The following NAT1 variants were observed in gnomAD, a reference collection of about 807,000 sequenced individuals.
The protein encoded by NAT1 is N-acetyltransferase 1.
For synonymous variants in NAT1, 144 were observed against 122.6 expected (o/e 1.17, Z -1.16); for missense variants, 400 against 339.2 (o/e 1.18, Z -1.41).
chr8:18,220,025 T>C (rs1268501345), intron 2 of NAT1, among the ~76,000 whole-genome samples: 6 of 152,118 alleles, frequency 3.9e-5, no homozygotes, highest in Non-Finnish European at 8.8e-5. Context: ...AATATCCAGG[T>C]ATGTATAAAC....
chr8:18,189,616 G>A (rs1305061754), intron 2 of NAT1, among the ~76,000 whole-genome samples: 1 of 152,142 alleles, frequency 6.6e-6, no homozygotes, highest in Non-Finnish European at 1.5e-5. Context: ...AGTTTTTATA[G>A]GTAGAAGGCT....
rs1020868179 is a variant in NAT1, at chr8:18,174,788, C to T, written n.92+4049C>T. ...ATAACTCTGGGCAAACCTCAGCACA[C>T]AAGCCTAAGCCCCATCTTTTACAGA... On this transcript the variant is annotated intron_variant and non_coding_transcript_variant, in intron 2 of 4. Transcript: ENST00000517441. Among the ~76,000 whole-genome samples, 14 of 152,206 alleles carry T rather than the reference C, an allele frequency of 9.2e-5. No individual in the cohort carries two copies. In the East Asian group the frequency reaches 2.7e-3, roughly 29 times the overall value.
chr8:18,194,818 T>TAA (rs57703927), intron 2 of NAT1, among the ~76,000 whole-genome samples: 25 of 143,440 alleles, frequency 1.7e-4, no homozygotes, highest in African/African-American at 3.6e-4. Context: ...GACTCTGTCT[T>TAA]AAAAAAAAAA....
At chr8:18,201,954 A>G (rs779296196) in intron 2 of NAT1, among the ~76,000 whole-genome samples, 1 of 152,248 alleles carries the variant, frequency 6.6e-6, no homozygotes, top group Non-Finnish European at 1.5e-5. Context: ...AAAAGACCAC[A>G]TATCAAGCTC....
chr8:18,223,324 A>G lies in NAT1; in HGVS notation c.*404A>G, dbSNP rs28359534. The G allele has an allele frequency of 0.017, 2,893 of 167,176 alleles. 50 individuals carry two copies. The highest frequency in any genetic ancestry group is 0.084 in the Middle Eastern group (25 of 296). 10.4% of individuals were successfully genotyped at this position (167,176 alleles called of 1,614,324 possible). A position where few individuals can be genotyped will look rare whatever the true frequency, so the allele number is the denominator to read the frequency against. On this transcript the variant is annotated 3_prime_UTR_variant, in exon 3 of 3. Coordinates refer to ENST00000307719, the MANE Select transcript of NAT1 (RefSeq NM_000662.8). ...TTGTTGGCTAATATAATTTGAAAAAAAGTGGTTTTTTGGAAGACTTAGGAT... is the reference window on the plus strand; with the variant it reads ...TTGTTGGCTAATATAATTTGAAAAAGAGTGGTTTTTTGGAAGACTTAGGAT...
chr8:18,193,877 G>A (rs1005013325), intron 2 of NAT1, among the ~76,000 whole-genome samples: 1 of 151,996 alleles, frequency 6.6e-6, no homozygotes, highest in Non-Finnish European at 1.5e-5. Context: ...CTGACCTCAG[G>A]TGATCCATCT....
intron 2 of NAT1, among the ~76,000 whole-genome samples, chr8:18,183,138 C>T (rs1016381327): frequency 5.3e-5 from 8 of 152,252 alleles, no homozygotes; most frequent in Admixed American, 3.3e-4. Context: ...GGGAGAAGAA[C>T]GCTGACTCCT....
intron 2 of NAT1, among the ~76,000 whole-genome samples, chr8:18,194,458 G>A (rs976941239): frequency 6.6e-6 from 1 of 152,142 alleles, no homozygotes; most frequent in African/African-American, 2.4e-5. Context: ...GATGGTGGAG[G>A]TCTGTTATCT....
chr8:18,181,898 C>A (rs1316613753), intron 2 of NAT1, among the ~76,000 whole-genome samples: 1 of 152,140 alleles, frequency 6.6e-6, no homozygotes, highest in Non-Finnish European at 1.5e-5. Context: ...CAGGGAAGGT[C>A]TAAATTCTCC....
At chr8:18,201,330 C>G (rs1589086560) in intron 2 of NAT1, 1 of 152,060 alleles carries the variant, frequency 6.6e-6, no homozygotes, top group Non-Finnish European at 1.5e-5. Flanking sequence ...AGGGCTAAGA[C>G]AGTAATTAAA....
intron 2 of NAT1, among the ~76,000 whole-genome samples, chr8:18,182,507 T>C (rs747251859): frequency 6.6e-6 from 1 of 152,218 alleles, no homozygotes; most frequent in Non-Finnish European, 1.5e-5. Context: ...GTGTGAGCTA[T>C]AGATTGCTTC....
chr8:18,208,827 C>A (rs1238495945), upstream of NAT1, among the ~76,000 whole-genome samples: 1 of 152,220 alleles, frequency 6.6e-6, no homozygotes, highest in African/African-American at 2.4e-5. Flanking sequence ...AGAGGGAAAT[C>A]TGCTACCTCA....
At chr8:18,206,369 C>T (rs971955631), upstream of NAT1, among the ~76,000 whole-genome samples, 2 of 152,274 alleles carry the variant, frequency 1.3e-5, no homozygotes, top group Admixed American at 6.5e-5. Context: ...CATCTCGGTC[C>T]CTTGGTGGCA....
intron 1 of NAT1, among the ~76,000 whole-genome samples, chr8:18,215,049 T>C (rs978869041): frequency 1.3e-5 from 2 of 152,262 alleles, no homozygotes; most frequent in African/African-American, 2.4e-5. Context: ...TAGTATTCCA[T>C]AGTGTATAAG....
chr8:18,222,381 G>T lies in NAT1; in HGVS notation c.334G>T (p.Val112Leu). ...TGGCATGATTCACCTTCTCCTGCAG[G>T]TGACCATTGATGGCAGGAACTACAT... The part of the protein sequence containing the change: ...STGMIHLLLQ[V>L]TIDGRNYIVD... The change falls in exon 3 of 3, where the codon GTG (valine) becomes TTG (leucine). Residue 112 changes from valine (V) to leucine (L), a missense_variant. By Grantham distance (32) the Val-to-Leu change is conservative. Transcript: ENST00000307719. 1 of 1,614,080 alleles carries T rather than the reference G, an allele frequency of 6.2e-7. No homozygotes were observed. Among genetic ancestry groups the T allele is most frequent in the Non-Finnish European group, 8.5e-7 (1 of 1,180,010 alleles).
chr8:18,170,987 C>G (rs28383656), intron 2 of NAT1, among the ~76,000 whole-genome samples: 11,898 of 151,954 alleles, frequency 0.078, 1,276 homozygotes, highest in African/African-American at 0.24. Context: ...GAACAGGGTT[C>G]AAAATCAAAT....
intron 1 of NAT1, chr8:18,216,857 C>T (rs1804725604): frequency 2.1e-6 from 3 of 1,458,894 alleles, no homozygotes; most frequent in African/African-American, 1.4e-5. Context: ...CATAAGAACT[C>T]ATAATTATTT....
intron 1 of NAT1, among the ~76,000 whole-genome samples, chr8:18,213,289 G>A (rs12550285): frequency 6.6e-6 from 1 of 151,856 alleles, no homozygotes; most frequent in South Asian, 2.1e-4. Context: ...AAAAACTTTA[G>A]ACAGGGAATG....
Position 18,222,288 on chromosome 8 carries a change from A to G in NAT1, c.241A>G (p.Thr81Ala), listed in dbSNP as rs1196494896. ...TCATCTTCTGTACTGGGCTCTGACC[A>G]CTATTGGTTTTGAGACCACGATGTT... ...VNHLLYWALT[T>A]IGFETTMLGG... Residue 81 changes from threonine (T) to alanine (A), a missense_variant, in exon 3 of 3, where the codon ACT becomes GCT. Physicochemically the swap from Thr to Ala is moderately conservative, Grantham distance 58 (BLOSUM62 0). Coordinates refer to ENST00000307719, the MANE Select transcript of NAT1 (RefSeq NM_000662.8). The G allele has an allele frequency of 6.2e-7, 1 of 1,614,086 alleles. No individual in the cohort carries two copies. The highest frequency in any genetic ancestry group is 1.1e-5 in the South Asian group (1 of 91,080).
Sources: gnomAD v4.1 joint callset for allele counts (sites outside exome capture counted in the v4.1 genomes callset) on GRCh38, gnomAD v4.1.1 for gene constraint, MANE v1.5 for transcripts, NCBI Gene and HGNC (gene_info 2026-07-23, HGNC 2026-07-21) for gene names.